CCBE1: variants seen among roughly 807,000 people sequenced by gnomAD.
CCBE1 encodes collagen and calcium-binding EGF domain-containing protein 1.
In CCBE1, 37 loss-of-function variants were observed where a neutral mutation model predicts 50.0. That is an observed-to-expected ratio of 0.74 (90% CI 0.57 to 0.97). The LOEUF is 0.97. CCBE1 is among the 50% of genes least tolerant of loss of function. The probability of loss-of-function intolerance (pLI) is 0.00; values close to 1 mark genes in which losing one functional copy is unlikely to be tolerated. For missense variants in CCBE1, 538 were observed against 523.8 expected (o/e 1.03, Z -0.26); for synonymous variants, 234 against 203.7 (o/e 1.15, Z -1.27).
At chr18:59,558,106 G>A (rs2052680643) in intron 2 of CCBE1, among the ~76,000 whole-genome samples, 1 of 152,166 alleles carries the variant, frequency 6.6e-6, no homozygotes, top group South Asian at 2.1e-4. Context: ...GGATTGTCAA[G>A]GCCCCTTTCT....
intron 2 of CCBE1, among the ~76,000 whole-genome samples, chr18:59,488,470 C>T (rs897409095): frequency 2.6e-4 from 39 of 152,232 alleles, no homozygotes; most frequent in Admixed American, 8.5e-4. Context: ...GTTCAAATTA[C>T]AGAAAAGTAA....
intron 2 of CCBE1, among the ~76,000 whole-genome samples, chr18:59,679,342 GA>G (rs1003634711): frequency 2.6e-5 from 4 of 151,610 alleles, no homozygotes; most frequent in Non-Finnish European, 4.4e-5. Flanking sequence ...TTTATCCAAG[GA>G]AAAAAAATGT....
At chr18:59,550,684 T>G (rs976911923) in intron 2 of CCBE1, among the ~76,000 whole-genome samples, 1 of 152,124 alleles carries the variant, frequency 6.6e-6, no homozygotes, top group Non-Finnish European at 1.5e-5. Context: ...GCAGGTGCCA[T>G]TCTCTGAAGG....
At chr18:59,662,623 T>C (rs2054299706) in intron 2 of CCBE1, among the ~76,000 whole-genome samples, 1 of 152,262 alleles carries the variant, frequency 6.6e-6, no homozygotes, top group African/African-American at 2.4e-5. Flanking sequence ...GCCACAGGAA[T>C]GCATTGAAGG....
chr18:59,642,384 T>C (rs1227468171), intron 2 of CCBE1, among the ~76,000 whole-genome samples: 1 of 151,834 alleles, frequency 6.6e-6, no homozygotes, highest in Non-Finnish European at 1.5e-5. Context: ...CTAGTGGGAG[T>C]GTAAACTGAC....
intron 2 of CCBE1, chr18:59,688,285 C>CA (rs1188474564): frequency 6.6e-6 from 1 of 152,084 alleles, no homozygotes; most frequent in Non-Finnish European, 1.5e-5. Flanking sequence ...TCCATCTCTA[C>CA]AAAAAATTAA....
intron 2 of CCBE1, among the ~76,000 whole-genome samples, chr18:59,537,008 A>G (rs923517901): frequency 6.6e-6 from 1 of 151,134 alleles, no homozygotes; most frequent in East Asian, 1.9e-4. Context: ...AAAAAAAAAA[A>G]TGGATGTTTT....
chr18:59,677,714 C>T (rs1009592659), intron 2 of CCBE1, among the ~76,000 whole-genome samples: 1 of 151,838 alleles, frequency 6.6e-6, no homozygotes, highest in African/African-American at 2.4e-5. Context: ...AAAAAAATTC[C>T]CCAGGATGAC....
intron 2 of CCBE1, among the ~76,000 whole-genome samples, chr18:59,594,350 T>C (rs1214981632): frequency 6.6e-6 from 1 of 152,170 alleles, no homozygotes; most frequent in Non-Finnish European, 1.5e-5. Context: ...GTAGTCAAAT[T>C]CAGAGAGACA....
intron 2 of CCBE1, among the ~76,000 whole-genome samples, chr18:59,576,108 G>A (rs1311556483): frequency 2.0e-5 from 3 of 152,198 alleles, no homozygotes; most frequent in African/African-American, 7.2e-5. Flanking sequence ...ATTCATGAGT[G>A]TATGTTCCTT....
intron 2 of CCBE1, among the ~76,000 whole-genome samples, chr18:59,657,747 G>A (rs941026737): frequency 5.9e-5 from 9 of 152,130 alleles, no homozygotes; most frequent in Admixed American, 2.6e-4. Flanking sequence ...AAAATTAGCC[G>A]GGCGTGGTGG....
chr18:59,436,210 G>T, intron 10 of CCBE1, 69 bp from the exon 11 acceptor site: 1 of 1,381,362 alleles, frequency 7.2e-7, no homozygotes, highest in Non-Finnish European at 1.0e-6. Context: ...TCCATGACTT[G>T]ACCTGCTGCT....
At chr18:59,458,186 A>ATCTTCCCTTCCATCCG (rs1911293573) in intron 5 of CCBE1, among the ~76,000 whole-genome samples, 3 of 151,814 alleles carry the variant, frequency 2.0e-5, no homozygotes, top group Admixed American at 6.6e-5. Context: ...CCTTCCATCC[A>ATCTTCCCTTCCATCCG]TCTTCCCATC....
intron 2 of CCBE1, among the ~76,000 whole-genome samples, chr18:59,678,198 A>G (rs2054534226): frequency 6.6e-6 from 1 of 152,202 alleles, no homozygotes; most frequent in African/African-American, 2.4e-5. Flanking sequence ...GAAAAAGTTA[A>G]AACATAAGTT....
intron 2 of CCBE1, among the ~76,000 whole-genome samples, chr18:59,486,386 T>C (rs1912824649): frequency 6.6e-6 from 1 of 151,928 alleles, no homozygotes; most frequent in African/African-American, 2.4e-5. Flanking sequence ...GGGGAAGAAA[T>C]AGGGGGAAGA....
chr18:59,541,178 T>C (rs1357502875), intron 2 of CCBE1, among the ~76,000 whole-genome samples: 1 of 152,346 alleles, frequency 6.6e-6, no homozygotes, highest in Non-Finnish European at 1.5e-5. Context: ...CATTGTTTAG[T>C]AGGATGATGT....
chr18:59,534,027 G>A (rs1210099257), intron 2 of CCBE1, among the ~76,000 whole-genome samples: 2 of 152,096 alleles, frequency 1.3e-5, no homozygotes, highest in East Asian at 3.8e-4. Flanking sequence ...GAAAAAAATT[G>A]ACTTGGAGAA....
intron 2 of CCBE1, among the ~76,000 whole-genome samples, chr18:59,589,028 A>T (rs118041053): frequency 6.6e-6 from 1 of 152,194 alleles, no homozygotes; most frequent in East Asian, 1.9e-4. Flanking sequence ...GGATGTCCTG[A>T]AAGTTCCAGT....
chr18:59,524,435 T>C (rs1423054063), intron 2 of CCBE1, among the ~76,000 whole-genome samples: 1 of 152,224 alleles, frequency 6.6e-6, no homozygotes, highest in East Asian at 1.9e-4. Context: ...GTAATAAACA[T>C]CTGCAAGATG....
Sources: allele counts gnomAD v4.1 joint callset (sites outside exome capture counted in the v4.1 genomes callset), GRCh38; gene constraint gnomAD v4.1.1; transcripts MANE v1.5; gene names NCBI Gene and HGNC (gene_info 2026-07-23, HGNC 2026-07-21).